SRGAP3: variants seen among roughly 807,000 people sequenced by gnomAD.
SRGAP3 encodes the protein SLIT-ROBO Rho GTPase activating protein 3, also known as SLIT-ROBO Rho GTPase-activating protein 3.
In SRGAP3, 39 loss-of-function variants were observed where a neutral mutation model predicts 121.1. That is an observed-to-expected ratio of 0.32 (90% confidence interval 0.25 to 0.42). The LOEUF is 0.42. Among genes scored for constraint, SRGAP3 ranks in the 10% least tolerant of loss-of-function variants. The pLI is 1.00. For synonymous variants in SRGAP3, 601 were observed against 570.0 expected (o/e 1.05, Z -0.77); for missense variants, 1,213 against 1,470.6 (o/e 0.82, Z 2.86).
intron 1 of SRGAP3, among the ~76,000 whole-genome samples, chr3:9,203,845 C>T (rs1145158): frequency 0.24 from 35,770 of 152,084 alleles, 4,548 homozygotes; most frequent in African/African-American, 0.31. Flanking sequence ...CTTTCATACC[C>T]GGGATTTCAT....
chr3:9,150,764 G>A (rs1950185121), intron 1 of SRGAP3, among the ~76,000 whole-genome samples: 1 of 152,192 alleles, frequency 6.6e-6, no homozygotes, highest in South Asian at 2.1e-4. Context: ...AAGGGAAAAA[G>A]AACATCTCAA....
At chr3:9,159,026 A>G (rs1950518330) in intron 1 of SRGAP3, among the ~76,000 whole-genome samples, 1 of 152,104 alleles carries the variant, frequency 6.6e-6, no homozygotes, top group Non-Finnish European at 1.5e-5. Flanking sequence ...CTCCTCTGAT[A>G]CCAGTTCTGG....
intron 1 of SRGAP3, among the ~76,000 whole-genome samples, chr3:9,203,992 A>T (rs143205612): frequency 7.9e-4 from 121 of 152,262 alleles, no homozygotes; most frequent in African/African-American, 2.9e-3. Flanking sequence ...CGCCCCACCA[A>T]AACATGAGAG....
chr3:9,197,659 G>A (rs1951954964), intron 1 of SRGAP3, among the ~76,000 whole-genome samples: 1 of 152,200 alleles, frequency 6.6e-6, no homozygotes, highest in East Asian at 1.9e-4. Context: ...GAGTGGCTCT[G>A]AAACCCAGAT....
rs200115629 is a variant in SRGAP3 at position 9,080,056 on chromosome 3, T to A, written c.455A>T (p.Glu152Val). 3.2e-6 allele frequency: 5 copies of A among 1,586,758 alleles called. No homozygotes were observed. Among genetic ancestry groups the A allele is most frequent in the Non-Finnish European group, 4.3e-6 (5 of 1,166,224 alleles). ...GAGCTCATTGGTCACCTTCAGGAGC[T>A]CCTCGTGCATCTGCAGGCCAATCTC... ...SKEIGLQMHE[E>V]LLKVTNELYT... Residue 152 changes from glutamate to valine, a missense_variant, in exon 4 of 22, where the codon GAG becomes GTG. Around this residue, in one of 2 missense-constraint regions of SRGAP3, gnomAD observed 793 missense variants for 1,032.9 expected, o/e 0.77. Transcript: ENST00000383836.
intron 3 of SRGAP3, among the ~76,000 whole-genome samples, chr3:9,310,213 C>T (rs1399930547): frequency 6.6e-6 from 1 of 152,148 alleles, no homozygotes; most frequent in African/African-American, 2.4e-5. Flanking sequence ...AGACACTTCC[C>T]AGGATGAACA....
intron 20 of SRGAP3, among the ~76,000 whole-genome samples, chr3:8,991,481 G>T (rs1011816756): frequency 6.6e-6 from 1 of 152,186 alleles, no homozygotes; most frequent in Admixed American, 6.5e-5. Flanking sequence ...GGAGGCTCTG[G>T]TGTGGTGAAA....
At chr3:9,059,613 C>T (rs1281679222) in intron 6 of SRGAP3, 2 of 172,376 alleles carry the variant, frequency 1.2e-5, no homozygotes, top group Admixed American at 5.5e-5. Context: ...GAAGCCCTCC[C>T]CAGCACCACC....
chr3:8,993,179 C>A, intron 19 of SRGAP3, 124 bp from the exon 20 acceptor site: 1 of 1,485,342 alleles, frequency 6.7e-7, no homozygotes, highest in Non-Finnish European at 9.1e-7. Context: ...GTGCCCACAG[C>A]GCTTGCTAGG....
At chr3:9,287,607 G>A (rs1954798047) in intron 3 of SRGAP3, among the ~76,000 whole-genome samples, 1 of 152,174 alleles carries the variant, frequency 6.6e-6, no homozygotes. Context: ...CCTATAAAAG[G>A]CAGGAGGGTG....
chr3:9,065,512 C>G (rs1426304834), intron 4 of SRGAP3: 1 of 152,238 alleles, frequency 6.6e-6, no homozygotes, highest in East Asian at 1.9e-4. Context: ...GACCCCACCC[C>G]AGCCCCAATC....
At chr3:9,154,477 C>T (rs1165878978) in intron 1 of SRGAP3, among the ~76,000 whole-genome samples, 1 of 151,852 alleles carries the variant, frequency 6.6e-6, no homozygotes, top group Non-Finnish European at 1.5e-5. Context: ...TTTCCCAAGA[C>T]ATTGCAGCTT....
At chr3:9,207,979 T>C (rs1401270500) in intron 1 of SRGAP3, among the ~76,000 whole-genome samples, 1 of 152,208 alleles carries the variant, frequency 6.6e-6, no homozygotes, top group African/African-American at 2.4e-5. Context: ...TCTGCTCTGT[T>C]ACCTGAACCT....
At chr3:9,010,112 G>C (rs999884769) in intron 18 of SRGAP3, among the ~76,000 whole-genome samples, 196 bp downstream of exon 18, 36 of 152,220 alleles carry the variant, frequency 2.4e-4, no homozygotes, top group African/African-American at 8.7e-4. Context: ...ATGAGGATCT[G>C]CTCTGTGTCA....
chr3:9,186,189 T>C (rs1052727671), intron 1 of SRGAP3, among the ~76,000 whole-genome samples: 3 of 152,212 alleles, frequency 2.0e-5, no homozygotes, highest in Admixed American at 6.5e-5. Flanking sequence ...ACCTGGAGTC[T>C]TGTGGGCCTG....
rs397795766 is a variant in SRGAP3, at chr3:9,142,829, C to CTTTTTTTTTTTTT, written c.68-17925_68-17913dup. Among the ~76,000 whole-genome samples, 30 of 90,860 alleles carry CTTTTTTTTTTTTT rather than the reference C, an allele frequency of 3.3e-4. 1 individual carries two copies. The highest frequency in any genetic ancestry group is 4.9e-4 in the African/African-American group (11 of 22,680). 59.6% of individuals were successfully genotyped at this position (90,860 alleles called of 152,430 possible). Reference sequence around the variant, plus strand: ...GTCAACCAAGTTGGTGGGCAATTTCCTTTTTTTTTTTTTTTTTTTTTTTGA... The same window carrying CTTTTTTTTTTTTT: ...GTCAACCAAGTTGGTGGGCAATTTCCTTTTTTTTTTTTTTTTTTTTTTTTTTTTTTTTTTTTGA... On this transcript the variant is annotated intron_variant, in intron 1 of 21. Coordinates refer to ENST00000383836, the MANE Select transcript of SRGAP3 (RefSeq NM_014850.4).
chr3:9,225,430 A>G (rs796439923), intron 1 of SRGAP3, among the ~76,000 whole-genome samples: 12 of 152,324 alleles, frequency 7.9e-5, no homozygotes, highest in African/African-American at 2.9e-4. Context: ...TGTGGAAGTT[A>G]CCAGGTTGAA....
At chr3:9,302,525 T>C (rs1217934229) in intron 3 of SRGAP3, among the ~76,000 whole-genome samples, 1 of 152,058 alleles carries the variant, frequency 6.6e-6, no homozygotes, top group Non-Finnish European at 1.5e-5. Context: ...AAGAGGCAAA[T>C]GGGATTCGTC....
At chr3:9,018,838 C>T (rs186448269) in intron 14 of SRGAP3, among the ~76,000 whole-genome samples, 1 of 152,294 alleles carries the variant, frequency 6.6e-6, no homozygotes, top group African/African-American at 2.4e-5. Context: ...AAAAGCCCTA[C>T]TCTTATCCTT....
Sources: gnomAD v4.1 joint callset for allele counts (sites outside exome capture counted in the v4.1 genomes callset) on GRCh38, gnomAD v4.1.1 for gene constraint, gnomAD v4.1.1 regional missense constraint, MANE v1.5 for transcripts, NCBI Gene and HGNC (gene_info 2026-07-23, HGNC 2026-07-21) for gene names.